The following HIBCH variants were observed in gnomAD, a reference collection of about 807,000 sequenced individuals.
HIBCH encodes the protein 3-hydroxyisobutyryl-CoA hydrolase.
Under a neutral mutation model 58.2 loss-of-function variants are expected in HIBCH, and 50 were observed. The ratio of observed to expected loss-of-function variants is 0.86; its 90% CI spans 0.68 to 1.09. The LOEUF (loss-of-function observed/expected upper bound fraction) is 1.09. Ranked by LOEUF, HIBCH falls within the 50% of genes least tolerant of loss-of-function variation. HIBCH has a pLI of 0.00. For missense variants in HIBCH, 450 were observed against 449.7 expected, an observed-to-expected ratio of 1.00 and a Z score of -0.01; for synonymous variants, 151 against 146.9, an observed-to-expected ratio of 1.03 and a Z score of -0.20.
intron 6 of HIBCH, among the ~76,000 whole-genome samples, chr2:190,265,831 T>G (rs1687217700): frequency 6.6e-6 from 1 of 152,194 alleles, no homozygotes; most frequent in Admixed American, 6.5e-5. Context: ...TTTTAATGGC[T>G]ATGGGTTTTA....
chr2:190,203,121 T>C (rs983339779), downstream of HIBCH: 1 of 167,062 alleles, frequency 6.0e-6, no homozygotes, highest in Non-Finnish European at 1.5e-5. Flanking sequence ...TCAGTATCAT[T>C]GGCCTTTTAT....
At position 190,254,453 on chromosome 2, in the gene HIBCH, A is replaced by G. The variant is rs1288375056; in HGVS notation, c.518-2146T>C. On this transcript the variant is annotated intron_variant, in intron 7 of 13. Transcript: ENST00000359678. The surrounding 1 kb of genome is among the most constrained non-coding windows in gnomAD (Gnocchi z 5.0). ...TGAGAAAAAAAATTTCTACTGTTTAAGCAACCAAGTTTGTGGTATTTTGTT... is the reference window on the plus strand; with the variant it reads ...TGAGAAAAAAAATTTCTACTGTTTAGGCAACCAAGTTTGTGGTATTTTGTT... Among the ~76,000 whole-genome samples the G allele has an allele frequency of 6.6e-6, 1 of 152,202 alleles. No homozygotes were observed. The highest frequency in any genetic ancestry group is 6.5e-5 in the Admixed American group (1 of 15,280).
At chr2:190,201,775 A>G (rs2105891942), downstream of HIBCH, 1 of 167,158 alleles carries the variant, frequency 6.0e-6, no homozygotes, top group Non-Finnish European at 1.5e-5. Context: ...TATAATAGAA[A>G]AACAACCAAA....
Position 190,217,341 on chromosome 2 carries a change from G to A in HIBCH, c.892-4266C>T, listed in dbSNP as rs752250056. ...TCCACTAAAACTACAAAAATCAGCT[G>A]GGTGTGGTGACACATGCCTGTAATC... On this transcript the variant is annotated intron_variant, in intron 11 of 13. Coordinates refer to ENST00000359678, the MANE Select transcript of HIBCH (RefSeq NM_014362.4). This position sits in a 1 kb window ranked among gnomAD's most constrained non-coding sequence, Gnocchi z 4.6. Among the ~76,000 whole-genome samples the A allele has an allele frequency of 6.6e-6, 1 of 152,140 alleles. No individual in the cohort carries two copies. The highest frequency in any genetic ancestry group is 1.5e-5 in the Non-Finnish European group (1 of 68,036).
In HIBCH at chr2:190,194,971, C is replaced by T. The variant is rs539432295; in HGVS notation, c.*18-4974G>A. On this transcript the variant is annotated intron_variant, in intron 1 of 1. Coordinates refer to the HIBCH transcript ENST00000399855. The stretch of plus-strand genomic sequence containing the variant: ...TCCAACTCCTGGGCCCAAGTGACCT[C>T]GGCTTCCTGAGTAGTTAAAACTGTA... Among the ~76,000 whole-genome samples the T allele has an allele frequency of 1.2e-4, 19 of 152,196 alleles. No individual in the cohort carries two copies. The South Asian group carries it at 2.9e-3, about 23-fold the overall frequency.
intron 11 of HIBCH, among the ~76,000 whole-genome samples, chr2:190,240,263 C>G (rs1686411168): frequency 1.3e-5 from 2 of 152,272 alleles, no homozygotes; most frequent in South Asian, 4.1e-4. Flanking sequence ...TCCATTTCTT[C>G]TAGAGTTTCT....
rs1688125419 is a variant in HIBCH, at chr2:190,297,064, G to C, written c.79-111C>G. On this transcript the variant is annotated intron_variant, in intron 2 of 13. Coordinates refer to ENST00000359678, the MANE Select transcript of HIBCH (RefSeq NM_014362.4). ...TCTTGCATATTAATGGTAACTAAAG[G>C]AAAGAATAACTAGGTACACCTTATA... 29 of 989,554 alleles carry C rather than the reference G, an allele frequency of 2.9e-5. 1 individual carries two copies. The South Asian group carries it at 3.7e-4, about 13-fold the overall frequency. 61.3% of individuals were successfully genotyped at this position (989,554 alleles called of 1,614,324 possible).
intron 11 of HIBCH, among the ~76,000 whole-genome samples, chr2:190,239,416 T>C (rs78352538): frequency 0.01 from 1,558 of 152,264 alleles, 29 homozygotes; most frequent in African/African-American, 0.035. Context: ...TCCAACTTTG[T>C]TCTTTTTGCT....
intron 1 of HIBCH, among the ~76,000 whole-genome samples, chr2:190,198,683 T>G (rs1440771818): frequency 1.3e-5 from 2 of 148,352 alleles, no homozygotes; most frequent in Admixed American, 1.3e-4. Flanking sequence ...ATTTTATGAA[T>G]TTTTAGAGCT....
chr2:190,221,054 A>G (rs1027312904), intron 11 of HIBCH, among the ~76,000 whole-genome samples: 1 of 152,054 alleles, frequency 6.6e-6, no homozygotes, highest in African/African-American at 2.4e-5. Context: ...ATTTTATAAG[A>G]AAGGCCGCAC....
intron 1 of HIBCH, among the ~76,000 whole-genome samples, chr2:190,191,691 G>A (rs1180176191): frequency 6.6e-6 from 1 of 152,150 alleles, no homozygotes; most frequent in Non-Finnish European, 1.5e-5. Context: ...TATCATGGCT[G>A]TAATTTGCAT....
At chr2:190,232,860 A>C (rs1686148335) in intron 11 of HIBCH, among the ~76,000 whole-genome samples, 1 of 152,120 alleles carries the variant, frequency 6.6e-6, no homozygotes, top group Non-Finnish European at 1.5e-5. Flanking sequence ...CGGGAGGCTG[A>C]GGCAGGAGAA....
At chr2:190,257,710 G>A (rs1686965881) in intron 7 of HIBCH, among the ~76,000 whole-genome samples, 1 of 152,114 alleles carries the variant, frequency 6.6e-6, no homozygotes, top group African/African-American at 2.4e-5. Flanking sequence ...CCAATATCAT[G>A]GTGCCAACAT....
rs1410257538 is a variant in HIBCH, at chr2:190,210,614, G to A, written c.1012-1701C>T. 6.6e-6 allele frequency among the ~76,000 whole-genome samples: 1 copy of A among 152,116 alleles called. No individual in the cohort carries two copies. The highest frequency in any genetic ancestry group is 1.5e-5 in the Non-Finnish European group (1 of 68,032). On this transcript the variant is annotated intron_variant, in intron 12 of 13. Coordinates refer to ENST00000359678, the MANE Select transcript of HIBCH (RefSeq NM_014362.4). This position sits in a 1 kb window ranked among gnomAD's most constrained non-coding sequence, Gnocchi z 5.5. ...CCATTTTACTCAGCCAAAGTCCTTAGAGAGACCTTCAAGGCTCTGTATGCT... is the reference window on the plus strand; with the variant it reads ...CCATTTTACTCAGCCAAAGTCCTTAAAGAGACCTTCAAGGCTCTGTATGCT...
chr2:190,318,007 G>A (rs955381760), intron 1 of HIBCH, among the ~76,000 whole-genome samples: 1 of 151,732 alleles, frequency 6.6e-6, no homozygotes, highest in Non-Finnish European at 1.5e-5. Context: ...TGTATTTTTA[G>A]TAGAGACGGG....
chr2:190,287,234 G>C (rs1687853049), intron 6 of HIBCH, among the ~76,000 whole-genome samples: 1 of 152,060 alleles, frequency 6.6e-6, no homozygotes, highest in Non-Finnish European at 1.5e-5. Flanking sequence ...GCTAATTTTT[G>C]TATTTTTAAT....
chr2:190,249,041 A>C (rs960852293), intron 9 of HIBCH, among the ~76,000 whole-genome samples: 12 of 152,042 alleles, frequency 7.9e-5, no homozygotes, highest in Non-Finnish European at 1.8e-4. Context: ...CATCCTGCTG[A>C]TTTCAAGCTT....
At position 190,254,558 on chromosome 2, in the gene HIBCH, T is replaced by G. The variant is rs959933743; in HGVS notation, c.518-2251A>C. On this transcript the variant is annotated intron_variant, in intron 7 of 13. Coordinates refer to ENST00000359678, the MANE Select transcript of HIBCH (RefSeq NM_014362.4). This position sits in a 1 kb window ranked among gnomAD's most constrained non-coding sequence, Gnocchi z 5.0. ...ACACTGAACTCTTAGATCTGCCACC[T>G]AAACAGAACCACATAGATAATAAGT... 6.6e-6 allele frequency among the ~76,000 whole-genome samples: 1 copy of G among 151,354 alleles called. No individual in the cohort carries two copies. The highest frequency in any genetic ancestry group is 1.5e-5 in the Non-Finnish European group (1 of 68,034).
intron 6 of HIBCH, among the ~76,000 whole-genome samples, chr2:190,274,030 G>C (rs1296799710): frequency 6.6e-6 from 1 of 152,068 alleles, no homozygotes; most frequent in Non-Finnish European, 1.5e-5. Context: ...TTGAACTTCT[G>C]GTCTCAAGTG....
Sources: allele counts gnomAD v4.1 joint callset (sites outside exome capture counted in the v4.1 genomes callset), GRCh38; gene constraint gnomAD v4.1.1; non-coding constraint Gnocchi (gnomAD v3.1); transcripts MANE v1.5; gene names NCBI Gene and HGNC (gene_info 2026-07-23, HGNC 2026-07-21).